Variants in SLC30A8 observed in about 807,000 individuals in gnomAD.
The protein encoded by SLC30A8 is proton-coupled zinc antiporter SLC30A8.
In SLC30A8, 27 loss-of-function variants were observed where a neutral mutation model predicts 36.9. The observed-to-expected ratio is 0.73, with a 90% CI of 0.54 to 1.01. The LOEUF is 1.01. SLC30A8 is among the 50% of genes least tolerant of loss of function. SLC30A8 has a pLI of 0.00. For missense variants in SLC30A8, 439 were observed against 452.0 expected (o/e 0.97, Z 0.26); for synonymous variants, 164 against 172.4 (o/e 0.95, Z 0.38).
chr8:117,047,652 C>A (rs1418787528), intron 2 of SLC30A8, among the ~76,000 whole-genome samples: 1 of 152,018 alleles, frequency 6.6e-6, no homozygotes, highest in Non-Finnish European at 1.5e-5. Context: ...GGTCACAGAT[C>A]TTTAGGGGTC....
chr8:117,147,819 A>C (rs1033685886), intron 2 of SLC30A8, among the ~76,000 whole-genome samples: 1 of 152,146 alleles, frequency 6.6e-6, no homozygotes, highest in Non-Finnish European at 1.5e-5. Flanking sequence ...ATACTTTGCT[A>C]CTGTATAGAT....
At chr8:117,144,705 A>C (rs551699823) in intron 1 of SLC30A8, among the ~76,000 whole-genome samples, 1 of 152,302 alleles carries the variant, frequency 6.6e-6, no homozygotes, top group African/African-American at 2.4e-5. Flanking sequence ...GCTGAGAATC[A>C]GGTTCAGAAT....
intron 1 of SLC30A8, among the ~76,000 whole-genome samples, chr8:117,003,409 A>G (rs930944460): frequency 6.6e-6 from 1 of 152,172 alleles, no homozygotes. Context: ...AGCCTAGTGA[A>G]ATTATTTAAC....
chr8:117,042,262 C>T (rs1817409186), intron 2 of SLC30A8, among the ~76,000 whole-genome samples: 1 of 152,074 alleles, frequency 6.6e-6, no homozygotes, highest in South Asian at 2.1e-4. Flanking sequence ...ATGTGTTAAC[C>T]ATATCAGTCA....
At chr8:117,038,449 A>G (rs1298031831) in intron 1 of SLC30A8, among the ~76,000 whole-genome samples, 2 of 152,156 alleles carry the variant, frequency 1.3e-5, no homozygotes, top group Non-Finnish European at 2.9e-5. Flanking sequence ...TGGATCTTGG[A>G]GATGGTTTCT....
intron 2 of SLC30A8, among the ~76,000 whole-genome samples, chr8:117,057,968 T>C (rs1817921181): frequency 6.6e-6 from 1 of 152,248 alleles, no homozygotes; most frequent in Non-Finnish European, 1.5e-5. Flanking sequence ...AATTCCATAC[T>C]GTTTTTCATA....
At chr8:117,172,041 A>G (rs1352040704) in intron 7 of SLC30A8, among the ~76,000 whole-genome samples, 1 of 152,110 alleles carries the variant, frequency 6.6e-6, no homozygotes, top group Non-Finnish European at 1.5e-5. Context: ...GAGACTTTAC[A>G]GCCTGCTGAT....
chr8:117,125,210 T>C (rs549400930), intron 2 of SLC30A8, among the ~76,000 whole-genome samples: 22 of 152,110 alleles, frequency 1.4e-4, no homozygotes, highest in African/African-American at 5.3e-4. Context: ...ATGATTGCAT[T>C]TGAGATTCTT....
rs923133932 is a variant in SLC30A8 at position 116,964,009 on chromosome 8, A to C, written c.-266+12890A>C. Among the ~76,000 whole-genome samples the C allele has an allele frequency of 2.6e-5, 4 of 152,238 alleles. No individual in the cohort carries two copies. In the South Asian group the frequency reaches 8.3e-4, roughly 32 times the overall value. On this transcript the variant is annotated intron_variant, in intron 1 of 10. Transcript: ENST00000427715. ...AAGGCCTTCTGAAAGCAGCCTTTAT[A>C]TAAATTAAAGGTATTATGTACTCAG...
chr8:117,147,921 C>A (rs1821973987), intron 2 of SLC30A8, among the ~76,000 whole-genome samples: 1 of 152,024 alleles, frequency 6.6e-6, no homozygotes, highest in South Asian at 2.1e-4. Context: ...TCTGTTAATG[C>A]ATTTTCTCCT....
At chr8:116,991,490 A>G (rs1041879205) in intron 1 of SLC30A8, among the ~76,000 whole-genome samples, 1 of 152,038 alleles carries the variant, frequency 6.6e-6, no homozygotes, top group Non-Finnish European at 1.5e-5. Flanking sequence ...TTTTTAGTAG[A>G]GACGGGGTTT....
chr8:117,149,958 G>A (rs983560624), intron 2 of SLC30A8, among the ~76,000 whole-genome samples: 5 of 152,282 alleles, frequency 3.3e-5, no homozygotes, highest in South Asian at 2.1e-4. Flanking sequence ...AGACACGCCA[G>A]TGAACCTCAT....
At chr8:116,955,961 C>G (rs1814186591) in intron 1 of SLC30A8, among the ~76,000 whole-genome samples, 1 of 151,900 alleles carries the variant, frequency 6.6e-6, no homozygotes, top group Non-Finnish European at 1.5e-5. Context: ...CCGTAGGAAA[C>G]AAACAGGAAA....
intron 2 of SLC30A8, among the ~76,000 whole-genome samples, chr8:117,075,645 TA>T (rs1028128363): frequency 2.7e-4 from 41 of 152,218 alleles, no homozygotes; most frequent in African/African-American, 9.6e-4. Flanking sequence ...TTGGACTGTT[TA>T]AATCGTCTTT....
intron 1 of SLC30A8, among the ~76,000 whole-genome samples, chr8:116,979,410 A>G (rs1372197309): frequency 1.3e-5 from 2 of 152,174 alleles, no homozygotes; most frequent in African/African-American, 4.8e-5. Context: ...GTCTTGGGGA[A>G]TCCAGAAATG....
chr8:117,015,076 C>T (rs1272849458), intron 1 of SLC30A8, among the ~76,000 whole-genome samples: 1 of 151,094 alleles, frequency 6.6e-6, no homozygotes, highest in Non-Finnish European at 1.5e-5. Flanking sequence ...GGTGGAAATT[C>T]TTTTTAGAGG....
chr8:117,102,523 G>A (rs1281724829), intron 2 of SLC30A8, among the ~76,000 whole-genome samples: 1 of 152,110 alleles, frequency 6.6e-6, no homozygotes, highest in Non-Finnish European at 1.5e-5. Flanking sequence ...TACAAACTGA[G>A]TAGTCCAAAG....
intron 1 of SLC30A8, among the ~76,000 whole-genome samples, chr8:116,990,428 C>A (rs1366298233): frequency 6.6e-6 from 1 of 152,138 alleles, no homozygotes; most frequent in Non-Finnish European, 1.5e-5. Context: ...TATCATGTAG[C>A]CTCTTCACCT....
intron 2 of SLC30A8, among the ~76,000 whole-genome samples, chr8:117,123,943 C>A (rs1820793339): frequency 6.6e-6 from 1 of 151,924 alleles, no homozygotes; most frequent in Admixed American, 6.6e-5. Context: ...TGTGGGGAAT[C>A]CTCTCATCTC....
Sources: allele counts gnomAD v4.1 joint callset (sites outside exome capture counted in the v4.1 genomes callset), GRCh38; gene constraint gnomAD v4.1.1; transcripts MANE v1.5; gene names NCBI Gene and HGNC (gene_info 2026-07-23, HGNC 2026-07-21).